RPTOR: variants seen among roughly 807,000 people sequenced by gnomAD.
RPTOR encodes the protein regulatory associated protein of MTOR complex 1.
In RPTOR, 21 loss-of-function variants were observed where a neutral mutation model predicts 169.9. The ratio of observed to expected loss-of-function variants is 0.12; its 90% CI spans 0.09 to 0.18. The LOEUF (loss-of-function observed/expected upper bound fraction) is 0.18. Ranked by LOEUF, RPTOR falls within the 10% of genes least tolerant of loss-of-function variation. The probability of loss-of-function intolerance (pLI) is 1.00; values close to 1 mark genes in which losing one functional copy is unlikely to be tolerated. For missense variants in RPTOR, 1,133 were observed against 1,855.9 expected, an observed-to-expected ratio of 0.61 and a Z score of 7.16; for synonymous variants, 732 against 753.2, an observed-to-expected ratio of 0.97 and a Z score of 0.46.
At chr17:80,876,077 C>T (rs2068106990) in intron 13 of RPTOR, among the ~76,000 whole-genome samples, 1 of 119,940 alleles carries the variant, frequency 8.3e-6, no homozygotes, top group Non-Finnish European at 1.7e-5. Flanking sequence ...CCGTGCCACG[C>T]AGGGTGTGTG....
At chr17:80,696,188 T>C (rs1317863599) in intron 3 of RPTOR, among the ~76,000 whole-genome samples, 1 of 152,222 alleles carries the variant, frequency 6.6e-6, no homozygotes, top group Admixed American at 6.5e-5. Flanking sequence ...AGCTTTGTTT[T>C]GTTTTGTTTT....
rs2069411910 is a variant in RPTOR, at chr17:80,965,277, C to T, written c.*947C>T. On this transcript the variant is annotated 3_prime_UTR_variant, in exon 34 of 34. Transcript: ENST00000306801. ...GCACCTGGGGGCACACACATGCAGG[C>T]GGCGTGGTCTCCCTGCTCTGTCCCC... 1.3e-5 allele frequency: 3 copies of T among 233,252 alleles called. No individual in the cohort carries two copies. Among genetic ancestry groups the T allele is most frequent in the South Asian group, 1.8e-4 (1 of 5,540 alleles). The allele number at this position is 233,252 out of a possible 1,614,324, so 14.4% of individuals were successfully genotyped here. A position where few individuals can be genotyped will look rare whatever the true frequency, so the allele number is the denominator to read the frequency against.
chr17:80,663,336 TG>T (rs1393480920), intron 3 of RPTOR, among the ~76,000 whole-genome samples: 2 of 152,112 alleles, frequency 1.3e-5, no homozygotes, highest in African/African-American at 2.4e-5. Context: ...GGTCATTGGG[TG>T]GTTGTATGTT....
Position 80,908,091 on chromosome 17 carries a change from GCCGCACCGACGAAT to G in RPTOR, c.2402-717_2402-704del, listed in dbSNP as rs563843104. Among the ~76,000 whole-genome samples the G allele has an allele frequency of 2.9e-3, 439 of 152,320 alleles. 2 individuals carry two copies. Among genetic ancestry groups the G allele is most frequent in the Non-Finnish European group, 4.9e-3 (335 of 68,030 alleles). On this transcript the variant is annotated intron_variant, in intron 20 of 33. Transcript: ENST00000306801. ...CTGGGGAATTAAATAGGACCGAGCA[GCCGCACCGACGAAT>G]CCTCACCGACGAAGCCTCAGCGCTT... is the stretch of plus-strand genomic sequence containing the variant.
At chr17:80,712,201 T>A (rs1327330277) in intron 4 of RPTOR, among the ~76,000 whole-genome samples, 2 of 152,218 alleles carry the variant, frequency 1.3e-5, no homozygotes, top group Admixed American at 1.3e-4. Context: ...ATTGGTAAAC[T>A]GATAATGATG....
intron 1 of RPTOR, among the ~76,000 whole-genome samples, chr17:80,572,009 A>G (rs1466766366): frequency 6.6e-6 from 1 of 152,250 alleles, no homozygotes; most frequent in African/African-American, 2.4e-5. Flanking sequence ...GTGCTTGAAT[A>G]TATGTTGTTT....
intron 3 of RPTOR, among the ~76,000 whole-genome samples, chr17:80,701,817 C>T (rs892368305): frequency 3.9e-5 from 6 of 152,192 alleles, no homozygotes; most frequent in East Asian, 3.8e-4. Flanking sequence ...CCTGCCCCAG[C>T]GGCACAGGGC....
intron 17 of RPTOR, among the ~76,000 whole-genome samples, chr17:80,885,618 A>T (rs1271067206): frequency 2.6e-5 from 4 of 151,916 alleles, no homozygotes; most frequent in Non-Finnish European, 5.9e-5. Flanking sequence ...ATCTTGGCTC[A>T]CTGCAAGCTC....
At chr17:80,580,147 C>A (rs1312615927) in intron 1 of RPTOR, among the ~76,000 whole-genome samples, 1 of 152,086 alleles carries the variant, frequency 6.6e-6, no homozygotes, top group Non-Finnish European at 1.5e-5. Context: ...TTGGGAATTA[C>A]CAATAATTTA....
At chr17:80,723,681 A>G (rs1598257403) in intron 4 of RPTOR, among the ~76,000 whole-genome samples, 1 of 151,258 alleles carries the variant, frequency 6.6e-6, no homozygotes, top group Admixed American at 6.6e-5. Flanking sequence ...CATTAGTGTT[A>G]CTAGGCCTAG....
At chr17:80,555,124 T>A (rs1425155998) in intron 1 of RPTOR, among the ~76,000 whole-genome samples, 3 of 152,136 alleles carry the variant, frequency 2.0e-5, no homozygotes, top group Non-Finnish European at 4.4e-5. Flanking sequence ...TAGAAGAAAG[T>A]GGGCCTCATC....
intron 3 of RPTOR, among the ~76,000 whole-genome samples, chr17:80,696,262 A>G (rs1002012383): frequency 3.3e-5 from 5 of 152,254 alleles, no homozygotes; most frequent in African/African-American, 1.2e-4. Flanking sequence ...GGAAAAGATT[A>G]CACAGAATGG....
chr17:80,796,823 C>T (rs576996505), intron 7 of RPTOR, among the ~76,000 whole-genome samples: 8 of 152,316 alleles, frequency 5.3e-5, no homozygotes, highest in Admixed American at 1.3e-4. Flanking sequence ...GTGGTGCCTC[C>T]GCCTCACAGT....
rs559087513 is a variant in RPTOR at position 80,750,830 on chromosome 17, C to A, written c.655-3180C>A. 4.6e-5 allele frequency among the ~76,000 whole-genome samples: 7 copies of A among 152,144 alleles called. No homozygotes were observed. The East Asian group carries it at 1.2e-3, about 25-fold the overall frequency. ...CCTTGGTGGTTCTTGGTGATTGTTG[C>A]GTGGCATGTAAATATCCCTAATGTC... On this transcript the variant is annotated intron_variant, in intron 5 of 33. Coordinates refer to ENST00000306801, the MANE Select transcript of RPTOR (RefSeq NM_020761.3).
chr17:80,834,361 C>G (rs554844216), intron 9 of RPTOR, among the ~76,000 whole-genome samples: 5 of 152,126 alleles, frequency 3.3e-5, no homozygotes. Flanking sequence ...AGCTCTGCCT[C>G]GAGTCCACAG....
rs140618202 is a variant in RPTOR, at chr17:80,730,473, G to A, written c.508-87G>A. ...TCTCTCCAGCCACCAGGCTCAATGT[G>A]TGTGCCTTTTGTAACGGTGCAGTAC... On this transcript the variant is annotated intron_variant, in intron 4 of 33. Coordinates refer to ENST00000306801, the MANE Select transcript of RPTOR (RefSeq NM_020761.3). This position sits in a 1 kb window ranked among gnomAD's most constrained non-coding sequence, Gnocchi z 4.2. The A allele has an allele frequency of 1.4e-6, 2 of 1,446,140 alleles. No individual in the cohort carries two copies. The highest frequency in any genetic ancestry group is 4.6e-5 in the East Asian group (2 of 43,418). The allele number at this position is 1,446,140 out of a possible 1,614,324, so 89.6% of individuals were successfully genotyped here. A position where few individuals can be genotyped will look rare whatever the true frequency, so the allele number is the denominator to read the frequency against.
In RPTOR at chr17:80,841,230, TC is replaced by T. The variant is rs1598345727; in HGVS notation, c.1212+3234del. 4.3e-4 allele frequency among the ~76,000 whole-genome samples: 7 copies of T among 16,370 alleles called. 2 individuals are homozygous for T. The highest frequency in any genetic ancestry group is 2.8e-3 in the East Asian group (1 of 358). 10.7% of individuals were successfully genotyped at this position (16,370 alleles called of 152,430 possible). A position where few individuals can be genotyped will look rare whatever the true frequency, so the allele number is the denominator to read the frequency against. On this transcript the variant is annotated intron_variant, in intron 10 of 33. Coordinates refer to ENST00000306801, the MANE Select transcript of RPTOR (RefSeq NM_020761.3). ...TCACTCTCACCGCACGGCAGCTCAC[TC>T]TCACCGCACGGCAGCTCACTCTCAC... is the stretch of plus-strand genomic sequence containing the variant.
chr17:80,840,514 C>CCG (rs1567942070), intron 10 of RPTOR, among the ~76,000 whole-genome samples: 1 of 95,444 alleles, frequency 1.0e-5, no homozygotes, highest in African/African-American at 3.4e-5. Flanking sequence ...GCAGCTCACA[C>CCG]CACGGCAGCT....
chr17:80,851,062 G>A (rs1417781121), intron 11 of RPTOR, among the ~76,000 whole-genome samples: 1 of 152,186 alleles, frequency 6.6e-6, no homozygotes, highest in Admixed American at 6.5e-5. Flanking sequence ...CTGAGTAGCT[G>A]GAACTGCATG....
Sources: gnomAD v4.1 joint callset for allele counts (sites outside exome capture counted in the v4.1 genomes callset) on GRCh38, gnomAD v4.1.1 for gene constraint, Gnocchi (gnomAD v3.1) non-coding constraint, MANE v1.5 for transcripts, NCBI Gene and HGNC (gene_info 2026-07-23, HGNC 2026-07-21) for gene names.